The following MCOLN2 variants were observed in gnomAD, a reference collection of about 807,000 sequenced individuals.
MCOLN2 encodes the protein mucolipin TRP cation channel 2, also known as mucolipin-2.
A neutral mutation model predicts 67.5 loss-of-function variants in MCOLN2; 57 were observed. The observed-to-expected ratio is 0.84, with a 90% confidence interval of 0.68 to 1.05. The LOEUF (loss-of-function observed/expected upper bound fraction) is 1.05. Ranked by LOEUF, MCOLN2 falls within the 50% of genes least tolerant of loss-of-function variation. The pLI is 0.00. For missense variants in MCOLN2, 620 were observed against 678.8 expected (o/e 0.91, Z 0.96); for synonymous variants, 246 against 233.3 (o/e 1.05, Z -0.50).
chr1:84,977,440 T>C (rs57995292), intron 1 of MCOLN2, among the ~76,000 whole-genome samples: 1,637 of 143,272 alleles, frequency 0.011, 26 homozygotes, highest in African/African-American at 0.04. Flanking sequence ...TCAAAAGACA[T>C]AGACTGGCTA....
chr1:84,926,813 A>G, intron 13 of MCOLN2, 92 bp from the exon 14 acceptor site: 2 of 904,600 alleles, frequency 2.2e-6, no homozygotes, highest in East Asian at 2.8e-5. Flanking sequence ...CTAGGCCCGT[A>G]GATTATAGAC....
chr1:84,933,069 T>C (rs1429486217), intron 11 of MCOLN2, among the ~76,000 whole-genome samples: 1 of 152,204 alleles, frequency 6.6e-6, no homozygotes, highest in Non-Finnish European at 1.5e-5. Context: ...TCCCTACATT[T>C]TTCCCTCATG....
At chr1:84,952,111 T>G in intron 6 of MCOLN2, 132 bp downstream of exon 6, 1 of 628,474 alleles carries the variant, frequency 1.6e-6, no homozygotes, top group South Asian at 2.1e-5. Context: ...GAGTATCATA[T>G]TGTATCACTA....
chr1:84,987,244 T>G (rs12047435), intron 1 of MCOLN2, among the ~76,000 whole-genome samples: 20,391 of 112,274 alleles, frequency 0.18, 1,664 homozygotes, highest in East Asian at 0.32. Flanking sequence ...TATATAGATA[T>G]GTATATAGAT....
At chr1:84,952,388 A>T (rs748122301) in intron 5 of MCOLN2, 49 bp from the exon 6 acceptor site, 2 of 1,567,392 alleles carry the variant, frequency 1.3e-6, no homozygotes, top group African/African-American at 2.7e-5. Context: ...CTTACTATAT[A>T]CTATTCTCCT....
rs1651198148 is a variant in MCOLN2, at chr1:84,997,088, C to T, written c.-216G>A. 3 of 576,914 alleles carry T rather than the reference C, an allele frequency of 5.2e-6. No individual in the cohort carries two copies. Among genetic ancestry groups the T allele is most frequent in the Non-Finnish European group, 9.2e-6 (3 of 326,658 alleles). The allele number at this position is 576,914 out of a possible 1,614,324, so 35.7% of individuals were successfully genotyped here. A position where few individuals can be genotyped will look rare whatever the true frequency, so the allele number is the denominator to read the frequency against. ...GTCGTGGAGTGCGGCGGGCAGTTCT[C>T]GGGCGGCTGAAAGGCGGCTCTGTGT... On this transcript the variant is annotated 5_prime_UTR_variant, in exon 1 of 14. Transcript: ENST00000370608.
intron 4 of MCOLN2, among the ~76,000 whole-genome samples, chr1:84,952,752 T>A (rs987233746): frequency 6.6e-6 from 1 of 152,196 alleles, no homozygotes; most frequent in Admixed American, 6.5e-5. Context: ...TACATCACAG[T>A]AATGAGATAA....
chr1:84,995,785 ATATC>A (rs990371466), intron 1 of MCOLN2, among the ~76,000 whole-genome samples: 2 of 148,162 alleles, frequency 1.3e-5, no homozygotes, highest in African/African-American at 2.5e-5. Flanking sequence ...AAAATATTTT[ATATC>A]TATTACTCTA....
intron 6 of MCOLN2, 69 bp from the exon 7 acceptor site, chr1:84,947,201 TAA>T: frequency 3.9e-6 from 3 of 769,356 alleles, no homozygotes; most frequent in Non-Finnish European, 4.4e-6. Context: ...CAAATCTGCT[TAA>T]AAAAAAAATC....
chr1:84,956,552 G>A lies in MCOLN2; in HGVS notation c.444C>T (p.Thr148=). Residue 148 remains threonine, a synonymous_variant, in exon 4 of 14, where the codon ACC becomes ACT. Transcript: ENST00000370608. ...TGTCTTCATTTTCTCCATAACCAAG[G>A]GTCCCCAGGGTAATGTCCTTTAGCT... is the stretch of plus-strand genomic sequence containing the variant. The part of the protein sequence containing the change: ...YHQLKDITLG[T]LGYGENEDNR... The A allele has an allele frequency of 6.2e-7, 1 of 1,606,616 alleles. No homozygotes were observed. The highest frequency in any genetic ancestry group is 8.5e-7 in the Non-Finnish European group (1 of 1,177,696).
intron 1 of MCOLN2, among the ~76,000 whole-genome samples, chr1:84,986,307 G>A (rs896782090): frequency 5.3e-5 from 8 of 152,164 alleles, no homozygotes; most frequent in African/African-American, 9.7e-5. Flanking sequence ...TTGGGAGACC[G>A]AGGTGGGCAG....
At chr1:84,977,069 T>C (rs1650023908) in intron 1 of MCOLN2, among the ~76,000 whole-genome samples, 1 of 151,814 alleles carries the variant, frequency 6.6e-6, no homozygotes, top group Admixed American at 6.6e-5. Flanking sequence ...CAATAAGATA[T>C]AAACAACAAA....
chr1:84,984,453 G>A (rs1650405784), intron 1 of MCOLN2, among the ~76,000 whole-genome samples: 1 of 152,000 alleles, frequency 6.6e-6, no homozygotes, highest in Non-Finnish European at 1.5e-5. Context: ...ACTTTTCAAG[G>A]CCATAACTTT....
At chr1:84,950,119 C>T (rs1156428770) in intron 6 of MCOLN2, among the ~76,000 whole-genome samples, 3 of 152,256 alleles carry the variant, frequency 2.0e-5, no homozygotes, top group Middle Eastern at 3.4e-3. Context: ...AACACAAGTA[C>T]AATTAGAGGC....
intron 1 of MCOLN2, among the ~76,000 whole-genome samples, chr1:84,990,019 G>T (rs7551619): frequency 6.6e-6 from 1 of 152,002 alleles, no homozygotes; most frequent in African/African-American, 2.4e-5. Flanking sequence ...CTTCTGGGCC[G>T]GGCGTGGTGG....
Position 84,931,482 on chromosome 1 carries a change from CT to C in MCOLN2, c.1421del (p.Gln474ArgfsTer24). ...DMFATFAQIQ[Q>X]KSILVWLFSR... Reference sequence around the variant, plus strand: ...TGAACAGCCACACCAAGATGCTCTTCTGCTGGATTTGGGCAAAGGTTGCAAA... The same window carrying C: ...TGAACAGCCACACCAAGATGCTCTTCGCTGGATTTGGGCAAAGGTTGCAAA... On this transcript the variant is annotated frameshift_variant, in exon 12 of 14. Transcript: ENST00000370608. LOFTEE classifies it high-confidence loss of function. The C allele has an allele frequency of 6.2e-7, 1 of 1,614,010 alleles. No individual in the cohort carries two copies. The highest frequency in any genetic ancestry group is 8.5e-7 in the Non-Finnish European group (1 of 1,179,922).
At position 84,931,453 on chromosome 1, in the gene MCOLN2, C is replaced by A; in HGVS notation, c.1451G>T (p.Arg484Leu). The change falls in exon 12 of 14, where the codon CGT (arginine) becomes CTT (leucine). Residue 484 changes from arginine to leucine, a missense_variant. By Grantham distance (102) the Arg-to-Leu change is moderately radical. Transcript: ENST00000370608. ...GCTGATGAAGGAATATAAATACAGA[C>A]GACTGAACAGCCACACCAAGATGCT... ...QKSILVWLFS[R>L]LYLYSFISLF... 1 of 1,611,962 alleles carries A rather than the reference C, an allele frequency of 6.2e-7. No homozygotes were observed. Among genetic ancestry groups the A allele is most frequent in the Non-Finnish European group, 8.5e-7 (1 of 1,178,172 alleles).
intron 7 of MCOLN2, among the ~76,000 whole-genome samples, chr1:84,945,152 T>A (rs760168790): frequency 5.3e-5 from 8 of 152,180 alleles, no homozygotes; most frequent in Non-Finnish European, 1.0e-4. Flanking sequence ...TACTCTCTTC[T>A]GAGCACAAGC....
intron 1 of MCOLN2, among the ~76,000 whole-genome samples, chr1:84,991,736 G>A (rs1458267440): frequency 6.6e-6 from 1 of 152,110 alleles, no homozygotes; most frequent in Non-Finnish European, 1.5e-5. Flanking sequence ...CCACTTTGCT[G>A]CCTCTGAACA....
Sources: allele counts gnomAD v4.1 joint callset (sites outside exome capture counted in the v4.1 genomes callset), GRCh38; gene constraint gnomAD v4.1.1; transcripts MANE v1.5; gene names NCBI Gene and HGNC (gene_info 2026-07-23, HGNC 2026-07-21).